LIFR: variants seen among roughly 807,000 people sequenced by gnomAD.
The protein encoded by LIFR is leukemia inhibitory factor receptor.
Under a neutral mutation model 122.2 loss-of-function variants are expected in LIFR, and 84 were observed. That is an observed-to-expected ratio of 0.69 (90% CI 0.58 to 0.82). LIFR has a LOEUF of 0.82. Among genes scored for constraint, LIFR ranks in the 40% least tolerant of loss-of-function variants. The probability of loss-of-function intolerance (pLI) is 0.00; values close to 1 mark genes in which losing one functional copy is unlikely to be tolerated. For missense variants in LIFR, 1,294 were observed against 1,311.6 expected, an observed-to-expected ratio of 0.99 and a Z score of 0.21; for synonymous variants, 422 against 434.7, an observed-to-expected ratio of 0.97 and a Z score of 0.36.
At chr5:38,485,775 C>T (rs767952648) in intron 17 of LIFR, 44 bp downstream of exon 17, 20 of 1,601,608 alleles carry the variant, frequency 1.2e-5, no homozygotes, top group South Asian at 4.4e-5. Flanking sequence ...TAGAACACTA[C>T]GCATGCAGGA....
chr5:38,578,891 A>T (rs1467994416), intron 1 of LIFR, among the ~76,000 whole-genome samples: 1 of 151,866 alleles, frequency 6.6e-6, no homozygotes, highest in Non-Finnish European at 1.5e-5. Flanking sequence ...TTTCATATAT[A>T]TTTTTTTTAG....
At position 38,527,141 on chromosome 5, in the gene LIFR, T is replaced by A; in HGVS notation, c.397+14A>T. On this transcript the variant is annotated intron_variant, in intron 4 of 19. Transcript: ENST00000453190. Reference sequence around the variant, plus strand: ...TGACTTACTTTAAAATTGAGTTTGTTTTCAAATACTTACAAACGTTTTGTT... The same window carrying A: ...TGACTTACTTTAAAATTGAGTTTGTATTCAAATACTTACAAACGTTTTGTT... 1 of 1,580,924 alleles carries A rather than the reference T, an allele frequency of 6.3e-7. No homozygotes were observed. Among genetic ancestry groups the A allele is most frequent in the Non-Finnish European group, 8.7e-7 (1 of 1,155,920 alleles).
Position 38,476,192 on chromosome 5 carries a change from CAAA to C in LIFR, c.*5400_*5402del. The C allele has an allele frequency of 4.9e-6, 1 of 205,834 alleles. No individual in the cohort carries two copies. The allele number at this position is 205,834 out of a possible 1,614,324, so 12.8% of individuals were successfully genotyped here. A position where few individuals can be genotyped will look rare whatever the true frequency, so the allele number is the denominator to read the frequency against. Reference sequence around the variant, plus strand: ...ATCAAACTGGGAGAAGAATGTTTTACAAAAATTGTATGAAAACCATTATTCAGT... The same window carrying C: ...ATCAAACTGGGAGAAGAATGTTTTACAATTGTATGAAAACCATTATTCAGT... On this transcript the variant is annotated 3_prime_UTR_variant, in exon 20 of 20. Coordinates refer to ENST00000453190, the MANE Select transcript of LIFR (RefSeq NM_001127671.2).
At chr5:38,500,113 C>T (rs868025933) in intron 11 of LIFR, among the ~76,000 whole-genome samples, 2 of 152,208 alleles carry the variant, frequency 1.3e-5, no homozygotes, top group African/African-American at 4.8e-5. Context: ...CCTATCACTT[C>T]CTCTCCTCTG....
intron 5 of LIFR, among the ~76,000 whole-genome samples, chr5:38,522,231 C>T (rs1561171855): frequency 1.3e-5 from 2 of 152,326 alleles, no homozygotes; most frequent in East Asian, 3.9e-4. Flanking sequence ...ACTTGTGCTT[C>T]AGCAGTTGCA....
intron 9 of LIFR, among the ~76,000 whole-genome samples, chr5:38,504,784 T>C (rs928923650): frequency 5.3e-5 from 8 of 152,152 alleles, no homozygotes; most frequent in Non-Finnish European, 8.8e-5. Flanking sequence ...GGATAAAATG[T>C]AGCCATGGTG....
At chr5:38,540,486 T>C (rs1483147624) in intron 1 of LIFR, among the ~76,000 whole-genome samples, 1 of 152,188 alleles carries the variant, frequency 6.6e-6, no homozygotes, top group African/African-American at 2.4e-5. Flanking sequence ...CTTCCAACTC[T>C]AAGTACACTT....
At chr5:38,589,530 T>C (rs1749856592) in intron 1 of LIFR, among the ~76,000 whole-genome samples, 1 of 152,146 alleles carries the variant, frequency 6.6e-6, no homozygotes, top group Admixed American at 6.5e-5. Flanking sequence ...TTCTTGAAAA[T>C]GCTATAAAAT....
intron 13 of LIFR, among the ~76,000 whole-genome samples, chr5:38,495,669 A>G (rs528378810): frequency 6.6e-6 from 1 of 152,342 alleles, no homozygotes; most frequent in African/African-American, 2.4e-5. Context: ...ATATCGGGGC[A>G]AGAGAGCAAA....
At chr5:38,503,940 A>G in intron 10 of LIFR, 36 bp downstream of exon 10, 1 of 1,430,974 alleles carries the variant, frequency 7.0e-7, no homozygotes, top group South Asian at 1.2e-5. Context: ...ATTTTATCCA[A>G]AATAATCACA....
rs1220684136 is a variant in LIFR at position 38,479,768 on chromosome 5, A to T, written c.*1827T>A. 1 of 231,540 alleles carries T rather than the reference A, an allele frequency of 4.3e-6. No homozygotes were observed. The highest frequency in any genetic ancestry group is 5.7e-5 in the Admixed American group (1 of 17,698). The allele number at this position is 231,540 out of a possible 1,614,324, so 14.3% of individuals were successfully genotyped here. On this transcript the variant is annotated 3_prime_UTR_variant, in exon 20 of 20. Coordinates refer to ENST00000453190, the MANE Select transcript of LIFR (RefSeq NM_001127671.2). Reference sequence around the variant, plus strand: ...GGTGGAAGCTAAGGGAAGGAGCCAAAGAGGATACAAAGGAAGACAAGAGAA... The same window carrying T: ...GGTGGAAGCTAAGGGAAGGAGCCAATGAGGATACAAAGGAAGACAAGAGAA...
At chr5:38,551,953 A>G (rs537965791) in intron 1 of LIFR, among the ~76,000 whole-genome samples, 1 of 152,354 alleles carries the variant, frequency 6.6e-6, no homozygotes, top group African/African-American at 2.4e-5. Context: ...AGGAATTGGT[A>G]AAAGTACTTT....
intron 9 of LIFR, among the ~76,000 whole-genome samples, chr5:38,505,607 A>G (rs1179077452): frequency 6.6e-6 from 1 of 152,222 alleles, no homozygotes; most frequent in Non-Finnish European, 1.5e-5. Context: ...TATTATTGTA[A>G]CTACCAGTGA....
Position 38,474,683 on chromosome 5 carries a change from G to A in LIFR, c.*6912C>T, listed in dbSNP as rs928243512. The stretch of plus-strand genomic sequence containing the variant: ...CTAAAAACCATTACTTTAAAGACCA[G>A]TATTTATTATTTATTTGCTAATGTT... On this transcript the variant is annotated 3_prime_UTR_variant, in exon 20 of 20. Coordinates refer to ENST00000453190, the MANE Select transcript of LIFR (RefSeq NM_001127671.2). 2.0e-5 allele frequency among the ~76,000 whole-genome samples: 3 copies of A among 152,098 alleles called. No individual in the cohort carries two copies. Among genetic ancestry groups the A allele is most frequent in the African/African-American group, 7.2e-5 (3 of 41,412 alleles).
chr5:38,502,678 C>A lies in LIFR; in HGVS notation c.1559G>T (p.Ser520Ile), dbSNP rs1293160886. ...RCSTETFWKW[S>I]KWSNKKQHLT... ...ATGTTGTTTTTTATTGCTCCATTTGCTCCATTTCCAGAAAGTTTCAGTAGA... is the reference window on the plus strand; with the variant it reads ...ATGTTGTTTTTTATTGCTCCATTTGATCCATTTCCAGAAAGTTTCAGTAGA... The change falls in exon 11 of 20, where the codon AGC (serine) becomes ATC (isoleucine). Residue 520 changes from serine (S) to isoleucine (I), a missense_variant. Physicochemically the swap from Ser to Ile is moderately radical, Grantham distance 142 (BLOSUM62 -2). Coordinates refer to ENST00000453190, the MANE Select transcript of LIFR (RefSeq NM_001127671.2). The A allele has an allele frequency of 6.2e-7, 1 of 1,613,456 alleles. No individual in the cohort carries two copies. Among genetic ancestry groups the A allele is most frequent in the East Asian group, 2.2e-5 (1 of 44,856 alleles).
rs781204453 is a variant in LIFR, at chr5:38,496,537, G to A, written c.1730C>T (p.Ser577Leu). The A allele has an allele frequency of 1.9e-6, 3 of 1,613,710 alleles. No homozygotes were observed. The highest frequency in any genetic ancestry group is 2.2e-5 in the East Asian group (1 of 44,892). The change falls in exon 13 of 20, where the codon TCA (serine) becomes TTA (leucine). Residue 577 changes from serine (S) to leucine (L), a missense_variant. Coordinates refer to ENST00000453190, the MANE Select transcript of LIFR (RefSeq NM_001127671.2). ...KILSYNVSCS[S>L]DEETQSLSEI... is the part of the protein sequence containing the mutation. ...AGAAAGGGACTGTGTTTCCTCATCT[G>A]ATGAACACGATACATTGTAGGAAAG...
At chr5:38,517,456 C>T (rs1186653817) in intron 5 of LIFR, among the ~76,000 whole-genome samples, 1 of 151,998 alleles carries the variant, frequency 6.6e-6, no homozygotes, top group African/African-American at 2.4e-5. Flanking sequence ...TAAATAATAC[C>T]TTTAAGACAG....
intron 1 of LIFR, among the ~76,000 whole-genome samples, chr5:38,593,430 C>A (rs927189146): frequency 4.6e-5 from 7 of 152,130 alleles, no homozygotes; most frequent in African/African-American, 1.7e-4. Flanking sequence ...AAATTCAGTT[C>A]TGTCACATGA....
At chr5:38,593,655 C>T in intron 1 of LIFR, among the ~76,000 whole-genome samples, 1 of 152,142 alleles carries the variant, frequency 6.6e-6, no homozygotes. Flanking sequence ...CCCCCAAATT[C>T]ATATGTTAAA....
Sources: allele counts gnomAD v4.1 joint callset (sites outside exome capture counted in the v4.1 genomes callset), GRCh38; gene constraint gnomAD v4.1.1; transcripts MANE v1.5; gene names NCBI Gene and HGNC (gene_info 2026-07-23, HGNC 2026-07-21).